NCAM2: variants seen among roughly 807,000 people sequenced by gnomAD.
NCAM2 encodes neural cell adhesion molecule 2.
In NCAM2, 30 loss-of-function variants were observed where a neutral mutation model predicts 98.1. The ratio of observed to expected loss-of-function variants is 0.31; its 90% CI spans 0.23 to 0.41. The LOEUF (loss-of-function observed/expected upper bound fraction) is 0.41. Among genes scored for constraint, NCAM2 ranks in the 10% least tolerant of loss-of-function variants. The pLI, the probability that NCAM2 is intolerant of heterozygous loss-of-function variation, is 1.00. For missense variants in NCAM2, 867 were observed against 1,005.8 expected (o/e 0.86, Z 1.87); for synonymous variants, 368 against 342.4 (o/e 1.07, Z -0.83).
chr21:21,514,472 C>CAAAAAAAA (rs56710788), intron 16 of NCAM2, among the ~76,000 whole-genome samples: 380 of 127,564 alleles, frequency 3.0e-3, no homozygotes, highest in Non-Finnish European at 3.9e-3. Flanking sequence ...TCTCAAAAAA[C>CAAAAAAAA]AAAAAAAAAA....
At chr21:21,031,122 C>T (rs2064672660) in intron 1 of NCAM2, among the ~76,000 whole-genome samples, 1 of 151,994 alleles carries the variant, frequency 6.6e-6, no homozygotes. Flanking sequence ...TTTAAATAAT[C>T]TTGGAGTTAA....
intron 15 of NCAM2, among the ~76,000 whole-genome samples, chr21:21,484,608 A>T (rs992829631): frequency 6.0e-5 from 9 of 150,438 alleles, no homozygotes; most frequent in Non-Finnish European, 7.4e-5. Context: ...CCTGAAAATT[A>T]AAAAAAAATA....
chr21:21,144,077 C>T (rs1236022252), intron 1 of NCAM2, among the ~76,000 whole-genome samples: 1 of 151,994 alleles, frequency 6.6e-6, no homozygotes. Flanking sequence ...TGGCTGGGCA[C>T]GGTGACTCAC....
intron 1 of NCAM2, among the ~76,000 whole-genome samples, chr21:21,124,664 C>T (rs1244921619): frequency 1.3e-5 from 2 of 152,098 alleles, no homozygotes; most frequent in Non-Finnish European, 2.9e-5. Flanking sequence ...TGAGTCATGC[C>T]ATAGAAAGTT....
chr21:21,234,549 A>C (rs942475421), intron 1 of NCAM2, among the ~76,000 whole-genome samples: 3 of 151,846 alleles, frequency 2.0e-5, no homozygotes, highest in Admixed American at 2.0e-4. Context: ...CCAAATAAAC[A>C]TTTTCTGTGT....
intron 4 of NCAM2, among the ~76,000 whole-genome samples, chr21:21,287,734 G>A (rs190597972): frequency 6.5e-4 from 99 of 152,032 alleles, no homozygotes; most frequent in Middle Eastern, 3.4e-3. Flanking sequence ...TGGTGATGGA[G>A]AAGTGATATT....
chr21:21,064,521 TGTCTTCCACC>T (rs1568983986), intron 1 of NCAM2, among the ~76,000 whole-genome samples: 2 of 152,194 alleles, frequency 1.3e-5, no homozygotes, highest in African/African-American at 4.8e-5. Flanking sequence ...CTGAAAGCAT[TGTCTTCCACC>T]TGCAGGTGGT....
rs61585220 is a variant in NCAM2, at chr21:21,387,187, TACACACACAC to T, written c.1195+13202_1195+13211del. ...CCTTTACTTGGTGCGCACACACACA[TACACACACAC>T]ACACACACACACACACACACACACA... On this transcript the variant is annotated intron_variant, in intron 9 of 17. Transcript: ENST00000400546. Among the ~76,000 whole-genome samples, 247 of 121,316 alleles carry T rather than the reference TACACACACAC, an allele frequency of 2.0e-3. 1 individual carries two copies. Among genetic ancestry groups the T allele is most frequent in the African/African-American group, 6.4e-3 (225 of 35,206 alleles). 79.6% of individuals were successfully genotyped at this position (121,316 alleles called of 152,430 possible).
intron 5 of NCAM2, among the ~76,000 whole-genome samples, chr21:21,320,122 T>C (rs544417005): frequency 2.0e-5 from 3 of 152,322 alleles, no homozygotes; most frequent in African/African-American, 7.2e-5. Context: ...GTCACGGCTT[T>C]ACTATATTCA....
At chr21:21,367,473 A>G (rs2075816254) in intron 8 of NCAM2, among the ~76,000 whole-genome samples, 1 of 152,020 alleles carries the variant, frequency 6.6e-6, no homozygotes, top group Non-Finnish European at 1.5e-5. Context: ...GAAAAATACT[A>G]TAAATTATTT....
At chr21:21,437,314 T>G (rs889852398) in intron 12 of NCAM2, among the ~76,000 whole-genome samples, 1 of 152,110 alleles carries the variant, frequency 6.6e-6, no homozygotes, top group African/African-American at 2.4e-5. Flanking sequence ...ATTCTTCCAC[T>G]GGGGCATGCC....
intron 9 of NCAM2, among the ~76,000 whole-genome samples, chr21:21,381,040 A>G (rs975300060): frequency 6.6e-6 from 1 of 152,214 alleles, no homozygotes; most frequent in Non-Finnish European, 1.5e-5. Flanking sequence ...TTTTATGTGA[A>G]ATTAAAATGT....
At chr21:21,473,903 C>CA (rs5842929) in intron 14 of NCAM2, among the ~76,000 whole-genome samples, 86,984 of 136,128 alleles carry the variant, frequency 0.64, 27,939 homozygotes, top group East Asian at 0.94. Flanking sequence ...ATTTTCTGAC[C>CA]AAAAAAAAAA....
At chr21:21,209,097 G>GT (rs1316574154) in intron 1 of NCAM2, among the ~76,000 whole-genome samples, 1 of 151,288 alleles carries the variant, frequency 6.6e-6, no homozygotes, top group African/African-American at 2.4e-5. Context: ...ACACCTTGAT[G>GT]TTCCCCACTC....
chr21:21,142,971 GA>G (rs1375799113), intron 1 of NCAM2, among the ~76,000 whole-genome samples: 1 of 152,108 alleles, frequency 6.6e-6, no homozygotes, highest in Non-Finnish European at 1.5e-5. Flanking sequence ...CTATCTTATA[GA>G]ATGTCACAAT....
intron 1 of NCAM2, among the ~76,000 whole-genome samples, chr21:21,270,154 C>T (rs2072439217): frequency 6.6e-6 from 1 of 152,132 alleles, no homozygotes; most frequent in Admixed American, 6.6e-5. Context: ...TTGACTTCAT[C>T]AAGGCAGCTA....
intron 1 of NCAM2, among the ~76,000 whole-genome samples, chr21:21,139,586 C>T (rs1456827164): frequency 1.3e-5 from 2 of 152,152 alleles, no homozygotes; most frequent in Non-Finnish European, 2.9e-5. Context: ...TATTTTATCT[C>T]GCTTTCTGTC....
intron 15 of NCAM2, among the ~76,000 whole-genome samples, chr21:21,484,392 A>G (rs1226956075): frequency 2.0e-5 from 3 of 152,048 alleles, no homozygotes; most frequent in African/African-American, 4.8e-5. Context: ...TTGTAACTCT[A>G]CCCTTTATTT....
At position 21,327,306 on chromosome 21, in the gene NCAM2, C is replaced by CAAAAAAA. The variant is rs11384559; in HGVS notation, c.737+2824_737+2830dup. ...CAGGCAACAGAGCAAGACTCTGTCT[C>CAAAAAAA]AAAAAAAAAAAAAAAAAAAAAAAAT... is the stretch of plus-strand genomic sequence containing the variant. On this transcript the variant is annotated intron_variant, in intron 6 of 17. Transcript: ENST00000400546. Among the ~76,000 whole-genome samples, 581 of 82,150 alleles carry CAAAAAAA rather than the reference C, an allele frequency of 7.1e-3. 14 individuals carry two copies. The highest frequency in any genetic ancestry group is 0.03 in the African/African-American group (558 of 18,876). The allele number at this position is 82,150 out of a possible 152,430, so 53.9% of individuals were successfully genotyped here.
Sources: allele counts gnomAD v4.1 joint callset (sites outside exome capture counted in the v4.1 genomes callset), GRCh38; gene constraint gnomAD v4.1.1; transcripts MANE v1.5; gene names NCBI Gene and HGNC (gene_info 2026-07-23, HGNC 2026-07-21).